CSMD1: variants seen among roughly 807,000 people sequenced by gnomAD.
CSMD1 encodes CUB and sushi domain-containing protein 1.
CSMD1 carries 213 observed loss-of-function variants against 417.5 expected under a neutral mutation model. The observed-to-expected ratio is 0.51, with a 90% CI of 0.46 to 0.57. CSMD1 has a LOEUF of 0.57. Among genes scored for constraint, CSMD1 ranks in the 20% least tolerant of loss-of-function variants. The pLI is 0.00. For synonymous variants in CSMD1, 2,862 were observed against 1,736.8 expected, an observed-to-expected ratio of 1.65 and a Z score of -16.11; for missense variants, 6,923 against 4,529.7, an observed-to-expected ratio of 1.53 and a Z score of -15.17.
At chr8:4,008,691 A>G (rs1199285761) in intron 4 of CSMD1, among the ~76,000 whole-genome samples, 3 of 141,298 alleles carry the variant, frequency 2.1e-5, no homozygotes, top group Non-Finnish European at 4.5e-5. Context: ...GGTAACTGCA[A>G]GCTCCCCATC....
chr8:4,137,563 A>G (rs1433388932), intron 3 of CSMD1, among the ~76,000 whole-genome samples: 3 of 131,800 alleles, frequency 2.3e-5, no homozygotes, highest in African/African-American at 5.0e-5. Context: ...TTTGATGGTT[A>G]CAAGATTTGA....
intron 3 of CSMD1, among the ~76,000 whole-genome samples, chr8:4,387,377 G>A (rs1033342474): frequency 1.3e-5 from 2 of 151,878 alleles, no homozygotes; most frequent in Non-Finnish European, 2.9e-5. Flanking sequence ...CTTCTTATGT[G>A]TTAAATAATC....
At chr8:4,886,738 T>C (rs975421219) in intron 1 of CSMD1, among the ~76,000 whole-genome samples, 8 of 152,042 alleles carry the variant, frequency 5.3e-5, no homozygotes, top group Admixed American at 2.0e-4. Context: ...GGTGTCTTCT[T>C]TCTAGGACTT....
In CSMD1 at chr8:3,284,303, G is replaced by C. The variant is rs1451587121; in HGVS notation, c.3994C>G (p.Leu1332Val). The C allele has an allele frequency of 2.5e-6, 4 of 1,613,940 alleles. No homozygotes were observed. Among genetic ancestry groups the C allele is most frequent in the Admixed American group, 1.7e-5 (1 of 60,018 alleles). Residue 1332 changes from leucine to valine, a missense_variant, in exon 26 of 70, where the codon CTC (leucine) becomes GTC (valine). Coordinates refer to ENST00000635120, the MANE Select transcript of CSMD1 (RefSeq NM_033225.6). The part of the protein sequence containing the change: ...VFDTEMAHDI[L>V]KVWDGPVDSD... Reference sequence around the variant, plus strand: ...TCCACCGGCCCGTCCCAGACCTTGAGGATGTCGTGAGCCATCTCCGTGTCG... The same window carrying C: ...TCCACCGGCCCGTCCCAGACCTTGACGATGTCGTGAGCCATCTCCGTGTCG...
At chr8:4,148,907 C>T (rs988268967) in intron 3 of CSMD1, among the ~76,000 whole-genome samples, 5 of 152,148 alleles carry the variant, frequency 3.3e-5, no homozygotes, top group African/African-American at 1.2e-4. Context: ...ACATAGTTCA[C>T]CATCATCTGC....
At chr8:4,313,306 C>G (rs900383573) in intron 3 of CSMD1, among the ~76,000 whole-genome samples, 3 of 152,180 alleles carry the variant, frequency 2.0e-5, no homozygotes, top group Admixed American at 2.0e-4. Context: ...TGGTTAATAG[C>G]TAGCTGAGTC....
intron 3 of CSMD1, among the ~76,000 whole-genome samples, chr8:4,249,075 G>A (rs1262007798): frequency 6.6e-6 from 1 of 152,108 alleles, no homozygotes; most frequent in East Asian, 1.9e-4. Context: ...CTTGCTGTTA[G>A]GCACTCATGA....
chr8:3,714,685 C>T (rs935544241), intron 6 of CSMD1, among the ~76,000 whole-genome samples: 4 of 151,868 alleles, frequency 2.6e-5, no homozygotes, highest in South Asian at 4.1e-4. Flanking sequence ...TGCAGTGAGC[C>T]GAAACGGTGC....
At chr8:4,669,198 C>T (rs1364367348) in intron 1 of CSMD1, among the ~76,000 whole-genome samples, 3 of 152,180 alleles carry the variant, frequency 2.0e-5, no homozygotes, top group Non-Finnish European at 4.4e-5. Flanking sequence ...CTCTTGCTGT[C>T]TCTCTTGCTT....
intron 10 of CSMD1, among the ~76,000 whole-genome samples, chr8:3,548,268 T>C (rs1476890510): frequency 2.6e-5 from 4 of 152,188 alleles, no homozygotes; most frequent in Admixed American, 6.5e-5. Context: ...TCTGTAGCCC[T>C]TGTCTATTTT....
chr8:3,545,848 CA>C (rs1464886481), intron 10 of CSMD1, among the ~76,000 whole-genome samples: 3 of 152,136 alleles, frequency 2.0e-5, no homozygotes, highest in Non-Finnish European at 2.9e-5. Context: ...CTATTGGCCA[CA>C]AAAAGCAAAG....
At chr8:4,279,517 T>C (rs1796665082) in intron 3 of CSMD1, among the ~76,000 whole-genome samples, 2 of 152,210 alleles carry the variant, frequency 1.3e-5, no homozygotes, top group African/African-American at 2.4e-5. Context: ...TCAATGTCAA[T>C]ACAGTGTGGT....
chr8:4,073,689 A>G (rs1799676446), intron 3 of CSMD1, among the ~76,000 whole-genome samples: 1 of 152,154 alleles, frequency 6.6e-6, no homozygotes, highest in African/African-American at 2.4e-5. Context: ...ATTATTTCTA[A>G]GTAACTCACC....
At position 3,366,973 on chromosome 8, in the gene CSMD1, C is replaced by A. The variant is rs947795898; in HGVS notation, c.3115+59G>T. 6 of 1,308,954 alleles carry A rather than the reference C, an allele frequency of 4.6e-6. No individual in the cohort carries two copies. The African/African-American group carries it at 7.3e-5, about 16-fold the overall frequency. The allele number at this position is 1,308,954 out of a possible 1,614,324, so 81.1% of individuals were successfully genotyped here. A position where few individuals can be genotyped will look rare whatever the true frequency, so the allele number is the denominator to read the frequency against. On this transcript the variant is annotated intron_variant, in intron 20 of 69. Transcript: ENST00000635120. ...ACACACACACCCACACACATTCTCA[C>A]TAACAGAAATGGCAGTATTGTTGCC...
intron 5 of CSMD1, among the ~76,000 whole-genome samples, chr8:3,784,677 C>T (rs772416429): frequency 6.6e-6 from 1 of 152,140 alleles, no homozygotes; most frequent in East Asian, 1.9e-4. Flanking sequence ...ATATTGTCAG[C>T]AAATTTTCAA....
chr8:3,798,303 G>A (rs574514051), intron 5 of CSMD1, among the ~76,000 whole-genome samples: 1 of 151,954 alleles, frequency 6.6e-6, no homozygotes, highest in African/African-American at 2.4e-5. Flanking sequence ...CTTAGGATTA[G>A]TGCTTCGTCT....
chr8:4,551,280 C>G (rs1797858875), intron 2 of CSMD1, among the ~76,000 whole-genome samples: 1 of 152,074 alleles, frequency 6.6e-6, no homozygotes, highest in Non-Finnish European at 1.5e-5. Context: ...ATCCAACTGA[C>G]TCAAGGCTGT....
intron 2 of CSMD1, among the ~76,000 whole-genome samples, chr8:4,473,965 A>C (rs934705501): frequency 1.3e-5 from 2 of 152,188 alleles, no homozygotes; most frequent in African/African-American, 4.8e-5. Context: ...GGGAGGATTT[A>C]GGTACCTGTG....
Position 3,387,633 on chromosome 8 carries a change from G to T in CSMD1, c.2643C>A (p.Asn881Lys). The change falls in exon 18 of 70, where the codon AAC (asparagine) becomes AAA (lysine). Residue 881 changes from asparagine to lysine, a missense_variant. Physicochemically the swap from Asn to Lys is moderately conservative, Grantham distance 94 (BLOSUM62 0). Coordinates refer to ENST00000635120, the MANE Select transcript of CSMD1 (RefSeq NM_033225.6). ...CAAAGTCTCCACCGTGGCGATGGCC[G>T]TTCACAGGGATGCCCGGGTCCAGGC... is the stretch of plus-strand genomic sequence containing the variant. ...DSCLDPGIPV[N>K]GHRHGGDFGI... is the part of the protein sequence containing the mutation. The T allele has an allele frequency of 1.2e-6, 2 of 1,600,440 alleles. No individual in the cohort carries two copies. Among genetic ancestry groups the T allele is most frequent in the African/African-American group, 1.3e-5 (1 of 74,786 alleles).
Sources: allele counts gnomAD v4.1 joint callset (sites outside exome capture counted in the v4.1 genomes callset), GRCh38; gene constraint gnomAD v4.1.1; transcripts MANE v1.5; gene names NCBI Gene and HGNC (gene_info 2026-07-23, HGNC 2026-07-21).